Variants in RASEF observed in about 807,000 individuals in gnomAD.
The protein encoded by RASEF is ras and EF-hand domain-containing protein.
Under a neutral mutation model 90.1 loss-of-function variants are expected in RASEF, and 68 were observed. That is an observed-to-expected ratio of 0.75 (90% CI 0.62 to 0.92). RASEF has a LOEUF of 0.92. RASEF is among the 40% of genes least tolerant of loss of function. The pLI, the probability that RASEF is intolerant of heterozygous loss-of-function variation, is 0.00. For missense variants in RASEF, 949 were observed against 937.2 expected (o/e 1.01, Z -0.16); for synonymous variants, 331 against 345.2 (o/e 0.96, Z 0.46).
upstream of RASEF, chr9:83,063,151 A>G (rs2117935653): frequency 9.8e-6 from 4 of 406,448 alleles, no homozygotes; most frequent in East Asian, 1.6e-4. Context: ...CTGAGCGCCC[A>G]AGCGCCGAGG....
At chr9:83,105,906 G>A in the RASEF span, among the ~76,000 whole-genome samples, 2 of 152,134 alleles carry the variant, frequency 1.3e-5, no homozygotes, top group Non-Finnish European at 2.9e-5. Flanking sequence ...AAGGCCAAGT[G>A]GCTACAGAAA....
the RASEF span, among the ~76,000 whole-genome samples, chr9:83,079,006 T>C: frequency 6.6e-6 from 1 of 152,184 alleles, no homozygotes; most frequent in Non-Finnish European, 1.5e-5. Context: ...AGGTTTCCTC[T>C]GTTGTTTCCT....
At chr9:83,188,696 C>T in the RASEF span, among the ~76,000 whole-genome samples, 1 of 152,166 alleles carries the variant, frequency 6.6e-6, no homozygotes, top group Non-Finnish European at 1.5e-5. Context: ...CTCTTTTCCT[C>T]CCTTCCACCT....
chr9:83,201,732 A>G, the RASEF span, among the ~76,000 whole-genome samples: 2 of 152,176 alleles, frequency 1.3e-5, no homozygotes, highest in African/African-American at 2.4e-5. Flanking sequence ...TATGTAAGTA[A>G]GGAAAAATGC....
chr9:83,055,780 A>G (rs922669017), intron 1 of RASEF: 17 of 646,976 alleles, frequency 2.6e-5, no homozygotes, highest in Middle Eastern at 2.5e-4. Context: ...AAATAAGAAT[A>G]TTTGGTCTCC....
intron 14 of RASEF, among the ~76,000 whole-genome samples, chr9:82,996,165 C>T (rs540503209): frequency 6.6e-6 from 1 of 152,136 alleles, no homozygotes. Context: ...ATGCCAGAAG[C>T]TAAATTGAGA....
intron 1 of RASEF, among the ~76,000 whole-genome samples, chr9:83,031,959 T>G (rs919045045): frequency 6.6e-6 from 1 of 152,086 alleles, no homozygotes. Context: ...ATAACACTCT[T>G]GGCAATTCTC....
At chr9:83,191,934 G>A in the RASEF span, among the ~76,000 whole-genome samples, 1 of 152,208 alleles carries the variant, frequency 6.6e-6, no homozygotes, top group East Asian at 1.9e-4. Context: ...TGGCCAAGAA[G>A]CATATTTTAA....
intron 12 of RASEF, among the ~76,000 whole-genome samples, chr9:82,999,486 T>G (rs531697777): frequency 6.6e-6 from 1 of 152,200 alleles, no homozygotes; most frequent in African/African-American, 2.4e-5. Context: ...GGTGTATCGT[T>G]TGTACCTACA....
chr9:83,038,695 A>T (rs532785536), intron 1 of RASEF, among the ~76,000 whole-genome samples: 6 of 152,302 alleles, frequency 3.9e-5, no homozygotes, highest in Non-Finnish European at 5.9e-5. Context: ...CTTTATTTTT[A>T]AAATTTTTGA....
chr9:82,982,833 G>GAGAGAGA (rs537717946), intron 16 of RASEF, 51 bp from the exon 17 acceptor site: 8 of 1,012,906 alleles, frequency 7.9e-6, no homozygotes, highest in South Asian at 1.3e-5. Flanking sequence ...GAGAGAGAGA[G>GAGAGAGA]GATTACTGAG....
At chr9:83,070,566 CA>C in the RASEF span, among the ~76,000 whole-genome samples, 1 of 152,106 alleles carries the variant, frequency 6.6e-6, no homozygotes, top group Non-Finnish European at 1.5e-5. Context: ...CAAGTAGTAT[CA>C]GTCTTCCAAA....
chr9:83,004,390 T>C (rs1277553683), intron 9 of RASEF, 108 bp downstream of exon 9: 1 of 644,358 alleles, frequency 1.6e-6, no homozygotes, highest in African/African-American at 1.8e-5. Flanking sequence ...AAAATATAAA[T>C]TAGTGACCAA....
the RASEF span, among the ~76,000 whole-genome samples, chr9:83,184,620 A>G: frequency 2.0e-5 from 3 of 152,092 alleles, no homozygotes; most frequent in Non-Finnish European, 4.4e-5. Flanking sequence ...GACAAGTTCA[A>G]GCCCTATTTC....
the RASEF span, among the ~76,000 whole-genome samples, chr9:83,195,309 A>G: frequency 0.025 from 3,745 of 152,254 alleles, 146 homozygotes; most frequent in African/African-American, 0.085. Context: ...AATCCTCCAG[A>G]GTTCTCTCTC....
At chr9:83,137,847 A>T in the RASEF span, among the ~76,000 whole-genome samples, 1 of 151,818 alleles carries the variant, frequency 6.6e-6, no homozygotes, top group Non-Finnish European at 1.5e-5. Flanking sequence ...GGAGGGAGGT[A>T]AAAGGAAGGG....
At chr9:83,203,860 G>C in the RASEF span, among the ~76,000 whole-genome samples, 1 of 152,190 alleles carries the variant, frequency 6.6e-6, no homozygotes, top group African/African-American at 2.4e-5. Flanking sequence ...AAGAGGATGA[G>C]AGGCAGGGGT....
At chr9:83,018,344 T>C (rs1019563348) in intron 3 of RASEF, among the ~76,000 whole-genome samples, 2 of 152,020 alleles carry the variant, frequency 1.3e-5, no homozygotes, top group Middle Eastern at 3.2e-3. Context: ...CAATCAGAAA[T>C]TGAAATTTTT....
the RASEF span, among the ~76,000 whole-genome samples, chr9:83,140,868 G>T: frequency 4.6e-5 from 7 of 152,074 alleles, no homozygotes; most frequent in Non-Finnish European, 8.8e-5. Flanking sequence ...TAAAAAGGTA[G>T]ATAGGGGCTC....
Sources: allele counts gnomAD v4.1 joint callset (sites outside exome capture counted in the v4.1 genomes callset), GRCh38; gene constraint gnomAD v4.1.1; transcripts MANE v1.5; gene names NCBI Gene and HGNC (gene_info 2026-07-23, HGNC 2026-07-21).